ABTB3: variants seen among roughly 807,000 people sequenced by gnomAD.
ABTB3 encodes ankyrin repeat- and BTB/POZ domain-containing protein 3.
the ABTB3 span, among the ~76,000 whole-genome samples, chr12:107,469,346 G>C: frequency 1.3e-5 from 2 of 152,226 alleles, no homozygotes; most frequent in Non-Finnish European, 2.9e-5. Context: ...CGTGAATGCA[G>C]AACCAGGTAG....
chr12:107,362,585 G>T, the ABTB3 span, among the ~76,000 whole-genome samples: 2 of 152,294 alleles, frequency 1.3e-5, no homozygotes, highest in Admixed American at 6.5e-5. Flanking sequence ...TTGAGGTCAG[G>T]AGTTTGAGAC....
At chr12:107,451,083 G>C in the ABTB3 span, among the ~76,000 whole-genome samples, 1 of 152,220 alleles carries the variant, frequency 6.6e-6, no homozygotes, top group Non-Finnish European at 1.5e-5. Context: ...ATTCCGTACG[G>C]TGGCCCCTGT....
At chr12:107,363,486 G>A in the ABTB3 span, among the ~76,000 whole-genome samples, 1 of 152,186 alleles carries the variant, frequency 6.6e-6, no homozygotes, top group Non-Finnish European at 1.5e-5. Context: ...TGGGAGGGGA[G>A]GATGAGAACA....
the ABTB3 span, among the ~76,000 whole-genome samples, chr12:107,495,825 C>G: frequency 1.2e-4 from 18 of 152,256 alleles, no homozygotes; most frequent in African/African-American, 4.3e-4. Flanking sequence ...GTTTTCTTGT[C>G]TGTAAAATGG....
At chr12:107,508,434 ATTTCTTTTTT>A in the ABTB3 span, among the ~76,000 whole-genome samples, 1 of 58,718 alleles carries the variant, frequency 1.7e-5, no homozygotes, top group African/African-American at 5.3e-5. Context: ...CTCAAAGATC[ATTTCTTTTTT>A]TTTTTTTTTT....
the ABTB3 span, chr12:107,610,364 T>TA: frequency 6.2e-7 from 1 of 1,613,514 alleles, no homozygotes; most frequent in Non-Finnish European, 8.5e-7. Flanking sequence ...AGGTACAGGG[T>TA]CCGAGGGTCT....
the ABTB3 span, among the ~76,000 whole-genome samples, chr12:107,485,162 G>A: frequency 1.3e-5 from 2 of 152,156 alleles, no homozygotes; most frequent in Non-Finnish European, 2.9e-5. Context: ...CTCACAGGAT[G>A]CATATGTGGC....
the ABTB3 span, among the ~76,000 whole-genome samples, chr12:107,432,637 A>C: frequency 6.6e-6 from 1 of 152,182 alleles, no homozygotes; most frequent in Admixed American, 6.5e-5. Context: ...AATGGATGGG[A>C]GTTTACTCTG....
the ABTB3 span, among the ~76,000 whole-genome samples, chr12:107,516,765 A>G: frequency 6.6e-6 from 1 of 152,194 alleles, no homozygotes; most frequent in Admixed American, 6.5e-5. Context: ...CTTGTGGTTC[A>G]GGCAGGGTGA....
chr12:107,320,954 A>G, the ABTB3 span, among the ~76,000 whole-genome samples: 207 of 151,904 alleles, frequency 1.4e-3, no homozygotes, highest in African/African-American at 4.7e-3. Flanking sequence ...TGAAGGCCTG[A>G]CTTGGGTAGG....
At chr12:107,465,447 T>C in the ABTB3 span, among the ~76,000 whole-genome samples, 7 of 152,124 alleles carry the variant, frequency 4.6e-5, no homozygotes, top group Non-Finnish European at 8.8e-5. Context: ...TCTTCCTACC[T>C]TTATATCCCC....
chr12:107,351,900 A>C, the ABTB3 span, among the ~76,000 whole-genome samples: 989 of 152,324 alleles, frequency 6.5e-3, 3 homozygotes, highest in Non-Finnish European at 9.8e-3. Flanking sequence ...TTCCTCAGTA[A>C]AATGATGAGT....
chr12:107,494,433 C>G, the ABTB3 span, among the ~76,000 whole-genome samples: 42,636 of 152,002 alleles, frequency 0.28, 7,154 homozygotes, highest in African/African-American at 0.46. Context: ...GGTCAGGAAT[C>G]AAAGGGACTC....
chr12:107,472,023 C>A, the ABTB3 span, among the ~76,000 whole-genome samples: 2 of 152,242 alleles, frequency 1.3e-5, no homozygotes, highest in South Asian at 2.1e-4. Flanking sequence ...GCTCCTGATA[C>A]CTCTTGAATC....
the ABTB3 span, among the ~76,000 whole-genome samples, chr12:107,628,203 C>A: frequency 6.6e-6 from 1 of 152,152 alleles, no homozygotes; most frequent in East Asian, 1.9e-4. Flanking sequence ...TACAGTGGGG[C>A]GATCTCCACT....
the ABTB3 span, among the ~76,000 whole-genome samples, chr12:107,652,992 A>G: frequency 1.3e-5 from 2 of 152,016 alleles, no homozygotes; most frequent in Admixed American, 6.6e-5. Flanking sequence ...GCTCACTGCA[A>G]CCTCCTCCTG....
the ABTB3 span, among the ~76,000 whole-genome samples, chr12:107,648,765 A>G: frequency 2.0e-5 from 3 of 152,040 alleles, no homozygotes; most frequent in Admixed American, 2.0e-4. Flanking sequence ...AAACTGGGCC[A>G]TGTTCGCAGG....
the ABTB3 span, among the ~76,000 whole-genome samples, chr12:107,512,624 T>C: frequency 6.6e-6 from 1 of 152,124 alleles, no homozygotes; most frequent in Non-Finnish European, 1.5e-5. Flanking sequence ...AAAGTAGGGA[T>C]TGAGTAACCA....
At chr12:107,610,398 T>C in the ABTB3 span, 3 of 1,605,296 alleles carry the variant, frequency 1.9e-6, no homozygotes, top group Admixed American at 1.7e-5. Flanking sequence ...ACCTCCTCCA[T>C]GTGCATCACC....
Sources: gnomAD v4.1 joint callset for allele counts (sites outside exome capture counted in the v4.1 genomes callset) on GRCh38, gnomAD v4.1.1 for gene constraint, MANE v1.5 for transcripts, NCBI Gene and HGNC (gene_info 2026-07-23, HGNC 2026-07-21) for gene names.